HNRNPUL1: variants seen among roughly 807,000 people sequenced by gnomAD.
The protein encoded by HNRNPUL1 is heterogeneous nuclear ribonucleoprotein U like 1, also known as heterogeneous nuclear ribonucleoprotein U-like protein 1.
A neutral mutation model predicts 108.5 loss-of-function variants in HNRNPUL1; 14 were observed. The observed-to-expected ratio is 0.13, with a 90% confidence interval of 0.09 to 0.20. The LOEUF (loss-of-function observed/expected upper bound fraction) is 0.20, where lower values mean the gene tolerates loss of function less well. Among genes scored for constraint, HNRNPUL1 ranks in the 10% least tolerant of loss-of-function variants. HNRNPUL1 has a pLI of 1.00. For missense variants in HNRNPUL1, 804 were observed against 1,168.3 expected, an observed-to-expected ratio of 0.69 and a Z score of 4.55; for synonymous variants, 422 against 445.2, an observed-to-expected ratio of 0.95 and a Z score of 0.66.
At chr19:41,272,445 G>T in intron 3 of HNRNPUL1, 1 of 518,044 alleles carries the variant, frequency 1.9e-6, no homozygotes, top group Non-Finnish European at 3.4e-6. Context: ...CTTACCTGCA[G>T]GGTAACTTCT....
intron 5 of HNRNPUL1, among the ~76,000 whole-genome samples, 189 bp from the exon 6 acceptor site, chr19:41,278,888 T>A (rs1369756961): frequency 2.0e-5 from 3 of 152,248 alleles, no homozygotes; most frequent in Non-Finnish European, 4.4e-5. Context: ...CCCTGTACTC[T>A]ACTGATCCCT....
rs12327574 is a variant in HNRNPUL1 at position 41,292,742 on chromosome 19, G to C, written c.1266+231G>C. On this transcript the variant is annotated intron_variant, in intron 8 of 14. Transcript: ENST00000392006. This position sits in a 1 kb window ranked among gnomAD's most constrained non-coding sequence, Gnocchi z 4.1. Reference sequence around the variant, plus strand: ...AGGCTACCTAAATCTCAGAAAGATTGCATCTTCTTCTTAAGTGAGGCCAGA... The same window carrying C: ...AGGCTACCTAAATCTCAGAAAGATTCCATCTTCTTCTTAAGTGAGGCCAGA... Among the ~76,000 whole-genome samples the C allele has an allele frequency of 0.11, 12,654 of 115,906 alleles. 1,529 individuals carry two copies. Among genetic ancestry groups the C allele is most frequent in the African/African-American group, 0.29 (10,636 of 36,626 alleles). 76.0% of individuals were successfully genotyped at this position (115,906 alleles called of 152,430 possible).
chr19:41,285,105 G>C (rs2036147119), intron 7 of HNRNPUL1, among the ~76,000 whole-genome samples: 1 of 152,062 alleles, frequency 6.6e-6, no homozygotes, highest in Non-Finnish European at 1.5e-5. Context: ...TAAAGCTGCT[G>C]AATTTAATGC....
intron 2 of HNRNPUL1, 52 bp downstream of exon 2, chr19:41,268,397 G>A (rs745788915): frequency 5.7e-6 from 9 of 1,585,260 alleles, no homozygotes; most frequent in Non-Finnish European, 7.7e-6. Context: ...TCTACATGGA[G>A]CCTTTACCCC....
At chr19:41,306,280 C>T (rs182526626) in intron 14 of HNRNPUL1, among the ~76,000 whole-genome samples, 169 bp from the exon 15 acceptor site, 133 of 152,358 alleles carry the variant, frequency 8.7e-4, no homozygotes, top group African/African-American at 3.1e-3. Context: ...TAACTGCCTA[C>T]CTGTGTGGTG....
At position 41,292,712 on chromosome 19, in the gene HNRNPUL1, C is replaced by T. The variant is rs554332870; in HGVS notation, c.1266+201C>T. The stretch of plus-strand genomic sequence containing the variant: ...GTGTTGGTGTGACCTAAGTTGAAGT[C>T]GGAGAGGCTACCTAAATCTCAGAAA... On this transcript the variant is annotated intron_variant, in intron 8 of 14. Coordinates refer to ENST00000392006, the MANE Select transcript of HNRNPUL1 (RefSeq NM_007040.6). This position sits in a 1 kb window ranked among gnomAD's most constrained non-coding sequence, Gnocchi z 4.1. 2.0e-5 allele frequency among the ~76,000 whole-genome samples: 3 copies of T among 151,816 alleles called. No homozygotes were observed. The highest frequency in any genetic ancestry group is 6.6e-5 in the Admixed American group (1 of 15,222).
At chr19:41,269,190 G>A (rs987107657) in intron 2 of HNRNPUL1, among the ~76,000 whole-genome samples, 5 of 151,922 alleles carry the variant, frequency 3.3e-5, no homozygotes, top group African/African-American at 4.8e-5. Flanking sequence ...CTCAGGCCAG[G>A]TGCGCTGGCT....
intron 11 of HNRNPUL1, among the ~76,000 whole-genome samples, chr19:41,302,149 G>T (rs1175915055): frequency 4.7e-5 from 7 of 149,324 alleles, no homozygotes; most frequent in African/African-American, 1.7e-4. Flanking sequence ...AGGAGTCTTT[G>T]TTAGCCCCTG....
chr19:41,288,962 A>G (rs1454422499), intron 7 of HNRNPUL1, among the ~76,000 whole-genome samples: 3 of 151,998 alleles, frequency 2.0e-5, no homozygotes, highest in African/African-American at 7.3e-5. Context: ...TCTTGTGGGA[A>G]TGTAGTTGTA....
In HNRNPUL1 at chr19:41,294,660, A is replaced by G; in HGVS notation, c.1492A>G (p.Lys498Glu). The change falls in exon 10 of 15, where the codon AAG becomes GAG. Residue 498 changes from lysine to glutamate, a missense_variant. Physicochemically the swap from Lys to Glu is moderately conservative, Grantham distance 56. Around this residue, in one of 4 missense-constraint regions of HNRNPUL1, gnomAD observed 80 missense variants for 221.8 expected, o/e 0.36. Coordinates refer to ENST00000392006, the MANE Select transcript of HNRNPUL1 (RefSeq NM_007040.6). The surrounding 1 kb of genome is among the most constrained non-coding windows in gnomAD (Gnocchi z 4.3). Reference sequence around the variant, plus strand: ...CCGCCTCATCCAGATTGCTGCCCGCAAGAAACGCAACTATATCCTAGATCA... The same window carrying G: ...CCGCCTCATCCAGATTGCTGCCCGCGAGAAACGCAACTATATCCTAGATCA... ...LNRLIQIAAR[K>E]KRNYILDQTN... 2 of 1,614,188 alleles carry G rather than the reference A, an allele frequency of 1.2e-6. No homozygotes were observed. Among genetic ancestry groups the G allele is most frequent in the Non-Finnish European group, 1.7e-6 (2 of 1,180,036 alleles).
At chr19:41,278,146 C>T (rs1203451293) in intron 5 of HNRNPUL1, among the ~76,000 whole-genome samples, 1 of 151,684 alleles carries the variant, frequency 6.6e-6, no homozygotes, top group East Asian at 1.9e-4. Context: ...TGCAACGTCT[C>T]CCTCCTGGGT....
chr19:41,281,716 A>G (rs1163331623), intron 7 of HNRNPUL1, among the ~76,000 whole-genome samples: 1 of 152,134 alleles, frequency 6.6e-6, no homozygotes, highest in Admixed American at 6.6e-5. Context: ...GCTTCCTACA[A>G]TGCACTGCCT....
intron 2 of HNRNPUL1, among the ~76,000 whole-genome samples, chr19:41,270,973 C>T (rs1447581139): frequency 6.6e-6 from 1 of 152,196 alleles, no homozygotes; most frequent in African/African-American, 2.4e-5. Context: ...TACTTGCTCC[C>T]AGGCTAGTCC....
In HNRNPUL1 at chr19:41,306,498, C is replaced by A; in HGVS notation, c.2504C>A (p.Pro835Gln). Residue 835 changes from proline to glutamine, a missense_variant, in exon 15 of 15, where the codon CCA becomes CAA. By Grantham distance (76) the Pro-to-Gln change is moderately conservative (BLOSUM62 -1). This residue lies in a region of HNRNPUL1 where 294 missense variants were observed against 388.3 expected (regional missense o/e 0.76). Coordinates refer to ENST00000392006, the MANE Select transcript of HNRNPUL1 (RefSeq NM_007040.6). ...QYYQNQGQWP[P>Q]YYGNYDYGSY... ...TATCAGAACCAGGGCCAGTGGCCGC[C>A]ATACTACGGGAACTACGACTACGGG... 2 of 1,606,774 alleles carry A rather than the reference C, an allele frequency of 1.2e-6. No homozygotes were observed. The highest frequency in any genetic ancestry group is 1.7e-6 in the Non-Finnish European group (2 of 1,176,960).
chr19:41,295,585 G>C (rs918936907), intron 10 of HNRNPUL1, among the ~76,000 whole-genome samples: 14 of 152,202 alleles, frequency 9.2e-5, no homozygotes, highest in African/African-American at 3.4e-4. Flanking sequence ...GGGGATCTGT[G>C]AATGAGCCTC....
chr19:41,266,490 G>A (rs1484738167), intron 1 of HNRNPUL1, among the ~76,000 whole-genome samples: 3 of 151,838 alleles, frequency 2.0e-5, no homozygotes, highest in Non-Finnish European at 2.9e-5. Context: ...GGGGGGTCTC[G>A]CTATGTTGCC....
intron 1 of HNRNPUL1, chr19:41,265,375 T>A: frequency 6.6e-7 from 1 of 1,518,310 alleles, no homozygotes; most frequent in Non-Finnish European, 8.8e-7. Flanking sequence ...GTGGAGGCGC[T>A]GGTGTCTGTG....
At position 41,294,816 on chromosome 19, in the gene HNRNPUL1, A is replaced by C; in HGVS notation, c.1518+130A>C. ...GACTGCTGTGCTAGTCGGGGGGGTCAGACCTTGTCATACATGATGACATGG... is the reference window on the plus strand; with the variant it reads ...GACTGCTGTGCTAGTCGGGGGGGTCCGACCTTGTCATACATGATGACATGG... On this transcript the variant is annotated intron_variant, in intron 10 of 14. Coordinates refer to ENST00000392006, the MANE Select transcript of HNRNPUL1 (RefSeq NM_007040.6). The surrounding 1 kb of genome is among the most constrained non-coding windows in gnomAD (Gnocchi z 4.3). 1 of 1,064,702 alleles carries C rather than the reference A, an allele frequency of 9.4e-7. No individual in the cohort carries two copies. Among genetic ancestry groups the C allele is most frequent in the Non-Finnish European group, 1.4e-6 (1 of 726,552 alleles). 66.0% of individuals were successfully genotyped at this position (1,064,702 alleles called of 1,614,324 possible). A position where few individuals can be genotyped will look rare whatever the true frequency, so the allele number is the denominator to read the frequency against.
intron 5 of HNRNPUL1, among the ~76,000 whole-genome samples, chr19:41,278,702 G>A (rs1299348367): frequency 2.0e-5 from 3 of 152,014 alleles, no homozygotes; most frequent in African/African-American, 7.3e-5. Flanking sequence ...TCCTGCCTTG[G>A]CCTCCCAAAG....
Sources: allele counts gnomAD v4.1 joint callset (sites outside exome capture counted in the v4.1 genomes callset), GRCh38; gene constraint gnomAD v4.1.1; regional missense constraint gnomAD v4.1.1; non-coding constraint Gnocchi (gnomAD v3.1); transcripts MANE v1.5; gene names NCBI Gene and HGNC (gene_info 2026-07-23, HGNC 2026-07-21).